Variants in UVSSA observed in about 807,000 individuals in gnomAD.
UVSSA encodes the protein UV stimulated scaffold protein A, also known as UV-stimulated scaffold protein A.
A neutral mutation model predicts 73.9 loss-of-function variants in UVSSA; 72 were observed. The ratio of observed to expected loss-of-function variants is 0.97; its 90% confidence interval spans 0.81 to 1.19. The LOEUF (loss-of-function observed/expected upper bound fraction) is 1.19, where lower values mean the gene tolerates loss of function less well. Among genes scored for constraint, UVSSA ranks in the 50% most tolerant of loss-of-function variants. The pLI is 0.00. For synonymous variants in UVSSA, 454 were observed against 391.3 expected (o/e 1.16, Z -1.89); for missense variants, 1,150 against 965.0 (o/e 1.19, Z -2.54).
chr4:1,377,541 C>T (rs1323914850), intron 10 of UVSSA, among the ~76,000 whole-genome samples: 1 of 152,134 alleles, frequency 6.6e-6, no homozygotes, highest in African/African-American at 2.4e-5. Flanking sequence ...GCCCCAAGGC[C>T]AGTGCTTGGT....
chr4:1,348,247 C>A, intron 2 of UVSSA, 58 bp downstream of exon 2: 2 of 1,379,802 alleles, frequency 1.4e-6, no homozygotes, highest in Non-Finnish European at 2.1e-6. Flanking sequence ...AGGACACACA[C>A]AGGGCCCTGC....
upstream of UVSSA, among the ~76,000 whole-genome samples, chr4:1,345,179 T>C (rs769047147): frequency 2.0e-5 from 3 of 151,904 alleles, no homozygotes; most frequent in Non-Finnish European, 2.9e-5. Context: ...GCTGCAGGGG[T>C]GGCCAGGAAT....
At chr4:1,360,589 G>A (rs1716486567) in intron 7 of UVSSA, among the ~76,000 whole-genome samples, 1 of 152,208 alleles carries the variant, frequency 6.6e-6, no homozygotes, top group Non-Finnish European at 1.5e-5. Flanking sequence ...CTGCTTCCCA[G>A]AGGCTGGCGT....
chr4:1,356,020 C>T (rs866545657), intron 7 of UVSSA, among the ~76,000 whole-genome samples: 7 of 152,132 alleles, frequency 4.6e-5, no homozygotes, highest in Admixed American at 2.0e-4. Context: ...CCAGCACAGT[C>T]GGGCCTTAGG....
At chr4:1,362,045 T>G (rs1165058670) in intron 7 of UVSSA, among the ~76,000 whole-genome samples, 2 of 152,198 alleles carry the variant, frequency 1.3e-5, no homozygotes, top group Non-Finnish European at 2.9e-5. Context: ...CCTCTCCTCT[T>G]CCTTTCCTTC....
rs200836566 is a variant in UVSSA, at chr4:1,355,100, G to A, written c.1048-17G>A. On this transcript the variant is annotated splice_polypyrimidine_tract_variant and intron_variant, in intron 6 of 13. Transcript: ENST00000389851. ...TGCCCGGCCGGCCCCTGAGCTGTTC[G>A]CACCCCCGTTTCGCAGCGCTTCACC... 5,738 of 1,612,764 alleles carry A rather than the reference G, an allele frequency of 3.6e-3. 15 individuals are homozygous for A. The highest frequency in any genetic ancestry group is 4.4e-3 in the Non-Finnish European group (5,152 of 1,179,474).
At chr4:1,383,966 C>T (rs1719809324) in intron 13 of UVSSA, 26 bp downstream of exon 13, 1 of 1,596,616 alleles carries the variant, frequency 6.3e-7, no homozygotes, top group Non-Finnish European at 8.5e-7. Context: ...GGGTCACCTC[C>T]CACCGCGTGG....
At chr4:1,380,744 C>T in intron 11 of UVSSA, 136 bp from the exon 12 acceptor site, 1 of 1,562,714 alleles carries the variant, frequency 6.4e-7, no homozygotes, top group Non-Finnish European at 8.7e-7. Context: ...GCGCGTGATT[C>T]CAGGTTGTGT....
chr4:1,346,020 T>C (rs1307986376), upstream of UVSSA, among the ~76,000 whole-genome samples: 1 of 151,348 alleles, frequency 6.6e-6, no homozygotes, highest in Non-Finnish European at 1.5e-5. Flanking sequence ...AGAGGCAGGG[T>C]GAGGAAGGGG....
At chr4:1,384,004 GGCCATCTGAGC>G in intron 13 of UVSSA, 64 bp downstream of exon 13, 1 of 1,507,176 alleles carries the variant, frequency 6.6e-7, no homozygotes, top group Non-Finnish European at 8.9e-7. Flanking sequence ...GTTCGAGGGG[GGCCATCTGAGC>G]GCCAAGATAT....
intron 7 of UVSSA, chr4:1,359,156 C>T (rs1477250646): frequency 6.6e-6 from 1 of 152,280 alleles, no homozygotes; most frequent in African/African-American, 2.4e-5. Context: ...GTGTGCTGTG[C>T]ATTTGGAGTG....
Position 1,380,052 on chromosome 4 carries a change from A to G in UVSSA, c.1574A>G (p.Asp525Gly). Reference protein sequence around the residue: ...LPTAGKIVKSDSQHRFWKPSE... With the variant: ...LPTAGKIVKSGSQHRFWKPSE... Reference sequence around the variant, plus strand: ...GCCTCTGGCTGTGTCTGCAGGTCTGACTCCCAGCACCGCTTCTGGAAGCCC... The same window carrying G: ...GCCTCTGGCTGTGTCTGCAGGTCTGGCTCCCAGCACCGCTTCTGGAAGCCC... The change falls in exon 11 of 14, where the codon GAC (aspartate) becomes GGC (glycine). Residue 525 changes from aspartate (D) to glycine (G), a missense_variant. By Grantham distance (94) the Asp-to-Gly change is moderately conservative. Coordinates refer to ENST00000389851, the MANE Select transcript of UVSSA (RefSeq NM_020894.4). 6.2e-7 allele frequency: 1 copy of G among 1,604,674 alleles called. No homozygotes were observed. The highest frequency in any genetic ancestry group is 1.1e-5 in the South Asian group (1 of 89,652).
In UVSSA at chr4:1,370,691, G is replaced by A. The variant is rs373640494; in HGVS notation, c.1288+4260G>A. Among the ~76,000 whole-genome samples the A allele has an allele frequency of 5.8e-4, 89 of 152,352 alleles. 1 individual carries two copies. In the South Asian group the frequency reaches 0.016, roughly 27 times the overall value. On this transcript the variant is annotated intron_variant, in intron 8 of 13. Coordinates refer to ENST00000389851, the MANE Select transcript of UVSSA (RefSeq NM_020894.4). ...TAACACCCTATTCACGAAAACAGGC[G>A]GTGGGCTGGACTTGGCTCATAGCCA...
chr4:1,344,530 G>A (rs1053350332), upstream of UVSSA, among the ~76,000 whole-genome samples: 3 of 152,176 alleles, frequency 2.0e-5, no homozygotes, highest in Non-Finnish European at 2.9e-5. Flanking sequence ...CAGCCTGGGC[G>A]ACAGAGCAAG....
intron 7 of UVSSA, among the ~76,000 whole-genome samples, chr4:1,365,846 G>A (rs567002712): frequency 1.3e-5 from 2 of 150,340 alleles, no homozygotes; most frequent in African/African-American, 4.9e-5. Flanking sequence ...CCACCTGGTG[G>A]GAAGATAACT....
At chr4:1,389,812 A>G (rs1345905264), downstream of UVSSA, 2 of 152,182 alleles carry the variant, frequency 1.3e-5, no homozygotes, top group Non-Finnish European at 2.9e-5. Context: ...GATGTTAGCC[A>G]ATGCTCCCAG....
intron 7 of UVSSA, among the ~76,000 whole-genome samples, chr4:1,355,789 G>A (rs11729783): frequency 1.3e-5 from 2 of 152,184 alleles, no homozygotes; most frequent in Non-Finnish European, 2.9e-5. Context: ...GGGCTGCCGC[G>A]AGGGGCTGGA....
In UVSSA at chr4:1,354,658, T is replaced by C; in HGVS notation, c.935-77T>C. ...CCCCTCAGGCTAGAGCAGCCTTCCT[T>C]GCATGGTCTGCCTCTCCGGGGCCTG... On this transcript the variant is annotated intron_variant, in intron 5 of 13. Coordinates refer to ENST00000389851, the MANE Select transcript of UVSSA (RefSeq NM_020894.4). 7.3e-6 allele frequency: 10 copies of C among 1,366,472 alleles called. No homozygotes were observed. The South Asian group carries it at 1.2e-4, about 17-fold the overall frequency. The allele number at this position is 1,366,472 out of a possible 1,614,324, so 84.6% of individuals were successfully genotyped here.
intron 11 of UVSSA, 65 bp from the exon 12 acceptor site, chr4:1,380,815 G>C (rs1408574690): frequency 1.9e-6 from 3 of 1,591,762 alleles, no homozygotes; most frequent in East Asian, 2.3e-5. Context: ...TCGTGGTGGT[G>C]GGGGGAGGTG....
Sources: allele counts gnomAD v4.1 joint callset (sites outside exome capture counted in the v4.1 genomes callset), GRCh38; gene constraint gnomAD v4.1.1; transcripts MANE v1.5; gene names NCBI Gene and HGNC (gene_info 2026-07-23, HGNC 2026-07-21).